SLC35F3: variants seen among roughly 807,000 people sequenced by gnomAD.
SLC35F3 encodes the protein solute carrier family 35 member F3.
A neutral mutation model predicts 49.9 loss-of-function variants in SLC35F3; 25 were observed. The ratio of observed to expected loss-of-function variants is 0.50; its 90% CI spans 0.37 to 0.70. The LOEUF is 0.70. Ranked by LOEUF, SLC35F3 falls within the 30% of genes least tolerant of loss-of-function variation. The pLI is 0.00. For missense variants in SLC35F3, 525 were observed against 639.8 expected (o/e 0.82, Z 1.94); for synonymous variants, 275 against 265.4 (o/e 1.04, Z -0.35).
chr1:233,913,917 GA>G (rs933570812), intron 2 of SLC35F3, among the ~76,000 whole-genome samples: 16 of 152,142 alleles, frequency 1.1e-4, no homozygotes, highest in Middle Eastern at 3.2e-3. Context: ...AGGGCCCAGG[GA>G]AATACAGAAA....
Position 234,323,126 on chromosome 1 carries a change from C to T in SLC35F3, c.1356C>T (p.Ile452=), listed in dbSNP as rs753842640. The T allele has an allele frequency of 6.2e-7, 1 of 1,614,114 alleles. No homozygotes were observed. The highest frequency in any genetic ancestry group is 8.5e-7 in the Non-Finnish European group (1 of 1,180,032). The change falls in exon 8 of 8, where the codon ATC becomes ATT. Residue 452 remains isoleucine, a synonymous_variant. Transcript: ENST00000366618. The surrounding 1 kb of genome is among the most constrained non-coding windows in gnomAD (Gnocchi z 4.5). Reference sequence around the variant, plus strand: ...CAGAGGAGTGGGATGTCTGGTTGATCAAGCTGCTCACCCGACTCAAAGTGA... The same window carrying T: ...CAGAGGAGTGGGATGTCTGGTTGATTAAGCTGCTCACCCGACTCAAAGTGA... The part of the protein sequence containing the change: ...LLPEEWDVWL[I]KLLTRLKVRK...
intron 2 of SLC35F3, among the ~76,000 whole-genome samples, chr1:233,921,027 T>C (rs1009676696): frequency 1.3e-5 from 2 of 152,262 alleles, no homozygotes; most frequent in African/African-American, 4.8e-5. Flanking sequence ...TCACAGAAAC[T>C]GTGAGATAAC....
intron 2 of SLC35F3, among the ~76,000 whole-genome samples, chr1:234,128,210 A>G (rs1296564900): frequency 1.3e-5 from 2 of 152,180 alleles, no homozygotes; most frequent in African/African-American, 4.8e-5. Flanking sequence ...GGTCCAAGAC[A>G]CTTTCCAGAG....
chr1:234,110,734 TG>T lies in SLC35F3; in HGVS notation c.284-120681del, dbSNP rs1373327198. On this transcript the variant is annotated intron_variant, in intron 2 of 7. Transcript: ENST00000366618. ...TCCACAGCTGATGGGAATGTAAATT[TG>T]GAAGGGTTTTTAGCCAGATAGATCT... Among the ~76,000 whole-genome samples the T allele has an allele frequency of 2.0e-5, 3 of 151,834 alleles. No homozygotes were observed. The Admixed American group carries it at 2.0e-4, about 10-fold the overall frequency.
At chr1:234,270,816 G>A (rs895350069) in intron 3 of SLC35F3, among the ~76,000 whole-genome samples, 5 of 152,208 alleles carry the variant, frequency 3.3e-5, no homozygotes, top group Admixed American at 1.3e-4. Context: ...CCTGCCTGAC[G>A]CAGGGCTTGT....
chr1:234,232,688 C>G (rs1227358956), intron 3 of SLC35F3, among the ~76,000 whole-genome samples: 1 of 151,992 alleles, frequency 6.6e-6, no homozygotes, highest in Non-Finnish European at 1.5e-5. Context: ...CCACACCCCA[C>G]CCCACCCTGA....
At chr1:233,913,311 A>C (rs542804880) in intron 2 of SLC35F3, among the ~76,000 whole-genome samples, 2 of 152,340 alleles carry the variant, frequency 1.3e-5, no homozygotes, top group South Asian at 4.1e-4. Flanking sequence ...ACTACAGTAC[A>C]TTACAGTACC....
At chr1:234,295,544 G>A (rs1668578308) in intron 3 of SLC35F3, among the ~76,000 whole-genome samples, 2 of 152,180 alleles carry the variant, frequency 1.3e-5, no homozygotes, top group African/African-American at 4.8e-5. Flanking sequence ...AAGGTCTTCA[G>A]GAAATCTCAT....
intron 2 of SLC35F3, among the ~76,000 whole-genome samples, chr1:234,102,777 T>C (rs1024198170): frequency 2.0e-5 from 3 of 152,156 alleles, no homozygotes; most frequent in Non-Finnish European, 4.4e-5. Context: ...AGCTGCCGGC[T>C]TTCCACGCGA....
At chr1:234,259,805 T>C (rs1040931717) in intron 3 of SLC35F3, among the ~76,000 whole-genome samples, 1 of 152,238 alleles carries the variant, frequency 6.6e-6, no homozygotes, top group African/African-American at 2.4e-5. Flanking sequence ...TATCTACAGA[T>C]ATCACTATAT....
chr1:233,981,301 A>G (rs1663177931), intron 2 of SLC35F3, among the ~76,000 whole-genome samples: 1 of 152,206 alleles, frequency 6.6e-6, no homozygotes, highest in Admixed American at 6.5e-5. Context: ...GCCCCTTCAC[A>G]GTCACGCTTA....
At chr1:233,935,743 C>T (rs954066389) in intron 2 of SLC35F3, among the ~76,000 whole-genome samples, 1 of 152,146 alleles carries the variant, frequency 6.6e-6, no homozygotes, top group African/African-American at 2.4e-5. Flanking sequence ...AGAACTTGAG[C>T]CCGAGTGCAA....
intron 2 of SLC35F3, among the ~76,000 whole-genome samples, chr1:233,970,793 G>T (rs1038114546): frequency 3.3e-5 from 5 of 152,168 alleles, no homozygotes; most frequent in African/African-American, 1.2e-4. Context: ...GACCAATGCT[G>T]CAGACACCTG....
intron 3 of SLC35F3, among the ~76,000 whole-genome samples, chr1:234,281,424 C>T (rs898962647): frequency 6.6e-6 from 1 of 152,216 alleles, no homozygotes; most frequent in Admixed American, 6.5e-5. Flanking sequence ...GCAGCCCAGG[C>T]AGACCCAGAC....
intron 3 of SLC35F3, among the ~76,000 whole-genome samples, chr1:234,250,218 A>G (rs1437383471): frequency 3.3e-5 from 5 of 152,284 alleles, no homozygotes; most frequent in Admixed American, 6.5e-5. Flanking sequence ...GACACTGGTG[A>G]CTATGATAGT....
chr1:233,918,130 G>C (rs1662000601), intron 2 of SLC35F3, among the ~76,000 whole-genome samples: 1 of 152,234 alleles, frequency 6.6e-6, no homozygotes, highest in Admixed American at 6.5e-5. Context: ...GTGGAAGTCT[G>C]AGTCCCAAAG....
intron 3 of SLC35F3, chr1:234,285,257 C>A: frequency 2.3e-6 from 1 of 441,702 alleles, no homozygotes; most frequent in South Asian, 1.6e-5. Flanking sequence ...TGAGGCTGCT[C>A]ACTTCCCCCA....
At chr1:233,946,446 A>G (rs1325531758) in intron 2 of SLC35F3, among the ~76,000 whole-genome samples, 1 of 152,278 alleles carries the variant, frequency 6.6e-6, no homozygotes, top group Non-Finnish European at 1.5e-5. Flanking sequence ...ATATAATCCA[A>G]GCTCTCTGTC....
chr1:234,260,085 T>C (rs1021532941), intron 3 of SLC35F3, among the ~76,000 whole-genome samples: 4 of 152,164 alleles, frequency 2.6e-5, no homozygotes, highest in African/African-American at 7.2e-5. Flanking sequence ...AATAGGTTTT[T>C]AAATCTTTTG....
Sources: gnomAD v4.1 joint callset for allele counts (sites outside exome capture counted in the v4.1 genomes callset) on GRCh38, gnomAD v4.1.1 for gene constraint, Gnocchi (gnomAD v3.1) non-coding constraint, MANE v1.5 for transcripts, NCBI Gene and HGNC (gene_info 2026-07-23, HGNC 2026-07-21) for gene names.